Variants in TENM2 observed in about 807,000 individuals in gnomAD.
The protein encoded by TENM2 is teneurin transmembrane protein 2, also known as teneurin-2.
A neutral mutation model predicts 245.2 loss-of-function variants in TENM2; 52 were observed. The observed-to-expected ratio is 0.21, with a 90% CI of 0.17 to 0.27. The LOEUF is 0.27. TENM2 is among the 10% of genes least tolerant of loss of function. The probability of loss-of-function intolerance (pLI) is 1.00; values close to 1 mark genes in which losing one functional copy is unlikely to be tolerated. For synonymous variants in TENM2, 1,363 were observed against 1,438.9 expected, an observed-to-expected ratio of 0.95 and a Z score of 1.19; for missense variants, 3,046 against 3,666.8, an observed-to-expected ratio of 0.83 and a Z score of 4.37.
chr5:167,452,964 T>TTTATATATATATATATATA (rs1554157789), intron 2 of TENM2, among the ~76,000 whole-genome samples: 2 of 108,220 alleles, frequency 1.8e-5, no homozygotes, highest in Admixed American at 1.0e-4. Flanking sequence ...TATATATATT[T>TTTATATATATATATATATA]AAAAAAAAAA....
chr5:168,084,152 T>A lies in TENM2; in HGVS notation c.1516-6422T>A, dbSNP rs112210586. Among the ~76,000 whole-genome samples, 1,064 of 152,342 alleles carry A rather than the reference T, an allele frequency of 7.0e-3. 19 individuals are homozygous for A. Among genetic ancestry groups the A allele is most frequent in the African/African-American group, 0.022 (905 of 41,578 alleles). ...GGTGTATATGTACCACATTTTCTTT[T>A]TCCACTCTTGGTAGGCACCTAGGTT... On this transcript the variant is annotated intron_variant, in intron 7 of 28. Transcript: ENST00000518659.
intron 2 of TENM2, among the ~76,000 whole-genome samples, chr5:167,683,422 T>C (rs1459500112): frequency 6.6e-6 from 1 of 152,214 alleles, no homozygotes; most frequent in African/African-American, 2.4e-5. Context: ...AGAAGAATAC[T>C]GTCCATGCAA....
rs528556212 is a variant in TENM2, at chr5:168,215,423, A to T, written c.4078+151A>T. On this transcript the variant is annotated intron_variant, in intron 21 of 28. Transcript: ENST00000518659. Reference sequence around the variant, plus strand: ...TCAGATAGATTGCTTTGGTGTGTGGATGGGTGTTTAAAAAGAAAACCAGTC... The same window carrying T: ...TCAGATAGATTGCTTTGGTGTGTGGTTGGGTGTTTAAAAAGAAAACCAGTC... Among the ~76,000 whole-genome samples, 12 of 152,294 alleles carry T rather than the reference A, an allele frequency of 7.9e-5. No individual in the cohort carries two copies. The South Asian group carries it at 8.3e-4, about 11-fold the overall frequency.
chr5:167,817,094 A>G (rs915062986), intron 2 of TENM2, among the ~76,000 whole-genome samples: 7 of 152,216 alleles, frequency 4.6e-5, no homozygotes, highest in African/African-American at 9.6e-5. Context: ...GAATGATGCA[A>G]CATATCATAT....
chr5:167,241,494 C>A, the TENM2 span, among the ~76,000 whole-genome samples: 1 of 152,128 alleles, frequency 6.6e-6, no homozygotes, highest in Non-Finnish European at 1.5e-5. Flanking sequence ...GGCAGAGAGG[C>A]AGACAGGCAA....
At chr5:167,935,190 C>T (rs572568348) in intron 3 of TENM2, among the ~76,000 whole-genome samples, 1 of 152,258 alleles carries the variant, frequency 6.6e-6, no homozygotes, top group South Asian at 2.1e-4. Context: ...AATTATCTGT[C>T]AGTGCCGATG....
At chr5:167,456,181 A>G (rs1864977) in intron 2 of TENM2, among the ~76,000 whole-genome samples, 58,175 of 151,980 alleles carry the variant, frequency 0.38, 11,876 homozygotes, top group East Asian at 0.61. Context: ...AACAGGACAC[A>G]TCCTTGGAAG....
rs34725566 is a variant in TENM2 at position 167,320,946 on chromosome 5, C to CAAA, written c.226+35890_226+35892dup. On this transcript the variant is annotated intron_variant, in intron 1 of 28. Transcript: ENST00000518659. The stretch of plus-strand genomic sequence containing the variant: ...ATTTCTTCCTGTAAAGACAAACAAA[C>CAAA]AAAAAAAAACACTAAAATCTAGAAC... Among the ~76,000 whole-genome samples, 94 of 150,410 alleles carry CAAA rather than the reference C, an allele frequency of 6.2e-4. 2 individuals are homozygous for CAAA. The East Asian group carries it at 0.014, about 23-fold the overall frequency.
intron 2 of TENM2, among the ~76,000 whole-genome samples, chr5:167,789,595 A>G (rs1764812957): frequency 6.6e-6 from 1 of 152,190 alleles, no homozygotes; most frequent in Admixed American, 6.6e-5. Context: ...GCATCCACAT[A>G]AAGTCATTTG....
At chr5:167,525,221 A>G (rs1771029466) in intron 2 of TENM2, among the ~76,000 whole-genome samples, 1 of 152,120 alleles carries the variant, frequency 6.6e-6, no homozygotes, top group Non-Finnish European at 1.5e-5. Context: ...GATTGCTTAG[A>G]CTGATACTTT....
intron 1 of TENM2, among the ~76,000 whole-genome samples, chr5:167,341,948 A>G (rs1289007558): frequency 2.0e-5 from 3 of 152,176 alleles, no homozygotes; most frequent in Non-Finnish European, 2.9e-5. Context: ...AATTTTTACA[A>G]TAAACTTTTT....
intron 2 of TENM2, among the ~76,000 whole-genome samples, chr5:167,420,408 A>T (rs1222589204): frequency 6.6e-6 from 1 of 152,140 alleles, no homozygotes; most frequent in Admixed American, 6.6e-5. Context: ...TATGATGGCA[A>T]GTGGAGTGGA....
At chr5:168,142,091 G>A (rs1755602044) in intron 12 of TENM2, among the ~76,000 whole-genome samples, 1 of 152,182 alleles carries the variant, frequency 6.6e-6, no homozygotes, top group South Asian at 2.1e-4. Context: ...GAGAAAGAAT[G>A]TCCATTCAAG....
chr5:167,932,386 T>C (rs1334725222), intron 3 of TENM2, among the ~76,000 whole-genome samples: 1 of 152,148 alleles, frequency 6.6e-6, no homozygotes, highest in Admixed American at 6.5e-5. Context: ...TCTTCTTCCA[T>C]CTTACACACA....
chr5:167,987,032 G>A (rs890220815), intron 4 of TENM2, among the ~76,000 whole-genome samples: 2 of 152,276 alleles, frequency 1.3e-5, no homozygotes, highest in Admixed American at 1.3e-4. Flanking sequence ...ATAGTACCAT[G>A]TAAGAATAAC....
intron 12 of TENM2, among the ~76,000 whole-genome samples, chr5:168,161,818 A>ACACACACACACACG (rs1491278685): frequency 3.6e-5 from 1 of 27,834 alleles, no homozygotes; most frequent in African/African-American, 9.5e-4. Flanking sequence ...GCGCATGTAT[A>ACACACACACACACG]CACACACACA....
the TENM2 span, among the ~76,000 whole-genome samples, chr5:167,070,849 G>A: frequency 1.3e-5 from 2 of 152,060 alleles, no homozygotes; most frequent in Non-Finnish European, 1.5e-5. Flanking sequence ...GCTTTTAAAT[G>A]TTTTAAATTT....
chr5:168,112,398 C>G (rs1490060110), intron 9 of TENM2, among the ~76,000 whole-genome samples: 1 of 151,990 alleles, frequency 6.6e-6, no homozygotes, highest in Non-Finnish European at 1.5e-5. Flanking sequence ...CCAGAAGGTC[C>G]CAGTATGTGT....
intron 2 of TENM2, among the ~76,000 whole-genome samples, chr5:167,753,975 TCA>T (rs1282567388): frequency 6.6e-6 from 1 of 152,160 alleles, no homozygotes; most frequent in East Asian, 1.9e-4. Context: ...GTTTCCTTCC[TCA>T]CAGTATATGG....
Sources: gnomAD v4.1 joint callset for allele counts (sites outside exome capture counted in the v4.1 genomes callset) on GRCh38, gnomAD v4.1.1 for gene constraint, MANE v1.5 for transcripts, NCBI Gene and HGNC (gene_info 2026-07-23, HGNC 2026-07-21) for gene names.